The following TMEFF2 variants were observed in gnomAD, a reference collection of about 807,000 sequenced individuals.
TMEFF2 encodes transmembrane protein with EGF like and two follistatin like domains 2.
Under a neutral mutation model 53.8 loss-of-function variants are expected in TMEFF2, and 28 were observed. That is an observed-to-expected ratio of 0.52 (90% CI 0.39 to 0.71). The LOEUF (loss-of-function observed/expected upper bound fraction) is 0.71. Among genes scored for constraint, TMEFF2 ranks in the 30% least tolerant of loss-of-function variants. TMEFF2 has a pLI of 0.00. For missense variants in TMEFF2, 353 were observed against 455.2 expected (o/e 0.78, Z 2.04); for synonymous variants, 162 against 166.3 (o/e 0.97, Z 0.20).
At chr2:191,992,001 A>G (rs1686120753) in intron 7 of TMEFF2, among the ~76,000 whole-genome samples, 1 of 152,148 alleles carries the variant, frequency 6.6e-6, no homozygotes, top group Admixed American at 6.6e-5. Context: ...AGAAAGCTTT[A>G]TGAATTTTGC....
At chr2:192,065,407 T>G (rs530395756) in intron 4 of TMEFF2, among the ~76,000 whole-genome samples, 1 of 151,960 alleles carries the variant, frequency 6.6e-6, no homozygotes, top group African/African-American at 2.4e-5. Flanking sequence ...ACTAACAGGT[T>G]ATGTTAACAA....
rs189277496 is a variant in TMEFF2 at position 192,069,120 on chromosome 2, C to A, written c.440-11345G>T. ...CCCCTACTCGACTCACATTGAGAGACCCTATTTCATCTCTACAATTTCTCT... is the reference window on the plus strand; with the variant it reads ...CCCCTACTCGACTCACATTGAGAGAACCTATTTCATCTCTACAATTTCTCT... On this transcript the variant is annotated intron_variant, in intron 4 of 9. Coordinates refer to ENST00000272771, the MANE Select transcript of TMEFF2 (RefSeq NM_016192.4). Among the ~76,000 whole-genome samples the A allele has an allele frequency of 2.5e-3, 379 of 151,724 alleles. 2 individuals are homozygous for A. Among genetic ancestry groups the A allele is most frequent in the Admixed American group, 4.9e-3 (75 of 15,186 alleles).
rs932510728 is a variant in TMEFF2 at position 192,103,102 on chromosome 2, C to A, written c.440-45327G>T. On this transcript the variant is annotated intron_variant, in intron 4 of 9. Transcript: ENST00000272771. The stretch of plus-strand genomic sequence containing the variant: ...TGCCCAGACACTCAGAAATTAAATT[C>A]TATTCTATCAATGATACTCACTGTC... 2.0e-5 allele frequency among the ~76,000 whole-genome samples: 3 copies of A among 152,270 alleles called. No homozygotes were observed. In the Middle Eastern group the frequency reaches 0.01, roughly 518 times the overall value.
chr2:192,180,184 A>G (rs576088324), intron 3 of TMEFF2, among the ~76,000 whole-genome samples: 1 of 151,796 alleles, frequency 6.6e-6, no homozygotes, highest in East Asian at 1.9e-4. Flanking sequence ...TGTTTTACGA[A>G]TACCACAATT....
At chr2:192,027,410 G>A (rs1053944798) in intron 5 of TMEFF2, among the ~76,000 whole-genome samples, 2 of 152,104 alleles carry the variant, frequency 1.3e-5, no homozygotes, top group African/African-American at 2.4e-5. Flanking sequence ...AGAGAGGAGC[G>A]CTATCCTTAA....
chr2:192,009,648 A>C (rs543061998), intron 5 of TMEFF2, among the ~76,000 whole-genome samples: 1 of 152,128 alleles, frequency 6.6e-6, no homozygotes, highest in African/African-American at 2.4e-5. Context: ...ATACCATGCT[A>C]TAATAAATAT....
intron 4 of TMEFF2, among the ~76,000 whole-genome samples, chr2:192,152,937 C>T (rs1690422600): frequency 6.6e-6 from 1 of 151,796 alleles, no homozygotes; most frequent in Admixed American, 6.6e-5. Flanking sequence ...ATGAACTGGT[C>T]AAGTCAGGTT....
At chr2:192,090,499 CAGG>C (rs1219433212) in intron 4 of TMEFF2, among the ~76,000 whole-genome samples, 1 of 152,150 alleles carries the variant, frequency 6.6e-6, no homozygotes. Flanking sequence ...AATAAATTGC[CAGG>C]AGGACAATCA....
chr2:192,076,462 G>A (rs1373154301), intron 4 of TMEFF2, among the ~76,000 whole-genome samples: 1 of 152,100 alleles, frequency 6.6e-6, no homozygotes, highest in Non-Finnish European at 1.5e-5. Flanking sequence ...TTAATTCAAT[G>A]ATATAAACCA....
chr2:192,128,566 G>C (rs1442859323), intron 4 of TMEFF2, among the ~76,000 whole-genome samples: 1 of 152,162 alleles, frequency 6.6e-6, no homozygotes, highest in Non-Finnish European at 1.5e-5. Flanking sequence ...CGCAAGAAAA[G>C]AGTAGACAAA....
At chr2:192,070,222 C>T (rs1273193913) in intron 4 of TMEFF2, among the ~76,000 whole-genome samples, 1 of 151,504 alleles carries the variant, frequency 6.6e-6, no homozygotes, top group East Asian at 1.9e-4. Context: ...ATGAATAAAG[C>T]ATATTGGTAA....
At chr2:192,129,277 T>C (rs147583756) in intron 4 of TMEFF2, among the ~76,000 whole-genome samples, 146 of 152,144 alleles carry the variant, frequency 9.6e-4, no homozygotes, top group African/African-American at 3.3e-3. Context: ...CTCATTTAAA[T>C]AGCTTTTGTC....
chr2:191,999,218 G>C lies in TMEFF2; in HGVS notation c.537-10C>G, dbSNP rs1344214008. 3 of 1,569,482 alleles carry C rather than the reference G, an allele frequency of 1.9e-6. No homozygotes were observed. Among genetic ancestry groups the C allele is most frequent in the Non-Finnish European group, 2.6e-6 (3 of 1,151,584 alleles). ...AATATTACACACACACCTAAAAAAA[G>C]AGAGAAATAAAAACATGTAACATCA... On this transcript the variant is annotated splice_polypyrimidine_tract_variant and intron_variant, in intron 5 of 9. Coordinates refer to ENST00000272771, the MANE Select transcript of TMEFF2 (RefSeq NM_016192.4).
chr2:192,029,673 G>C (rs1258072927), intron 5 of TMEFF2, among the ~76,000 whole-genome samples: 5 of 152,104 alleles, frequency 3.3e-5, no homozygotes, highest in Non-Finnish European at 7.4e-5. Context: ...AGACCCCAAA[G>C]AGCTTTTATT....
intron 7 of TMEFF2, among the ~76,000 whole-genome samples, chr2:191,978,308 C>T (rs1329952196): frequency 3.3e-5 from 5 of 152,160 alleles, no homozygotes; most frequent in African/African-American, 1.2e-4. Flanking sequence ...TACATACTCT[C>T]AGCTTCTTAA....
intron 5 of TMEFF2, among the ~76,000 whole-genome samples, chr2:192,004,643 A>C (rs1185611361): frequency 6.6e-6 from 1 of 152,172 alleles, no homozygotes; most frequent in Non-Finnish European, 1.5e-5. Flanking sequence ...TACGTTTTGA[A>C]GATTAAAAAA....
intron 7 of TMEFF2, among the ~76,000 whole-genome samples, chr2:191,997,325 G>C (rs1686247664): frequency 6.6e-6 from 1 of 151,500 alleles, no homozygotes; most frequent in South Asian, 2.1e-4. Context: ...AATTCTAAGA[G>C]ATTTCAGATC....
Position 192,194,851 on chromosome 2 carries a change from C to T in TMEFF2, c.-327G>A. On this transcript the variant is annotated 5_prime_UTR_variant, in exon 1 of 10. Coordinates refer to ENST00000272771, the MANE Select transcript of TMEFF2 (RefSeq NM_016192.4). This position sits in a 1 kb window ranked among gnomAD's most constrained non-coding sequence, Gnocchi z 4.2. ...GGAGTCCAGGGGCAGACGAGTGGAG[C>T]CCGAGGAGGCAGGGTGGAGGGAGAG... The T allele has an allele frequency of 1.3e-5, 4 of 318,412 alleles. No individual in the cohort carries two copies. The highest frequency in any genetic ancestry group is 1.2e-4 in the South Asian group (3 of 26,060). 19.7% of individuals were successfully genotyped at this position (318,412 alleles called of 1,614,324 possible). A position where few individuals can be genotyped will look rare whatever the true frequency, so the allele number is the denominator to read the frequency against.
intron 4 of TMEFF2, among the ~76,000 whole-genome samples, chr2:192,073,595 C>A (rs1339463962): frequency 6.6e-6 from 1 of 151,788 alleles, no homozygotes; most frequent in Non-Finnish European, 1.5e-5. Flanking sequence ...ACTTCAAAAC[C>A]TACTAGTTTG....
Sources: allele counts gnomAD v4.1 joint callset (sites outside exome capture counted in the v4.1 genomes callset), GRCh38; gene constraint gnomAD v4.1.1; non-coding constraint Gnocchi (gnomAD v3.1); transcripts MANE v1.5; gene names NCBI Gene and HGNC (gene_info 2026-07-23, HGNC 2026-07-21).